Variants in STAB2 observed in about 807,000 individuals in gnomAD.
The protein encoded by STAB2 is stabilin-2.
Under a neutral mutation model 338.1 loss-of-function variants are expected in STAB2, and 288 were observed. That is an observed-to-expected ratio of 0.85 (90% confidence interval 0.77 to 0.94). STAB2 has a LOEUF of 0.94. STAB2 is among the 40% of genes least tolerant of loss of function. The pLI, the probability that STAB2 is intolerant of heterozygous loss-of-function variation, is 0.00. For missense variants in STAB2, 3,141 were observed against 3,210.1 expected (o/e 0.98, Z 0.52); for synonymous variants, 1,202 against 1,193.3 (o/e 1.01, Z -0.15).
Position 103,660,753 on chromosome 12 carries a change from C to T in STAB2, c.1859C>T (p.Thr620Ile). The change falls in exon 17 of 69, where the codon ACC (threonine) becomes ATC (isoleucine). Residue 620 changes from threonine (T) to isoleucine (I), a missense_variant. Physicochemically the swap from Thr to Ile is moderately conservative, Grantham distance 89 (BLOSUM62 -1). Coordinates refer to ENST00000388887, the MANE Select transcript of STAB2 (RefSeq NM_017564.10). ...GCCAACCAGCTCATACAGTTCAACA[C>T]CACCGACAATGTAAGTGAAAACTCA... Reference protein sequence around the residue: ...SMANQLIQFNTTDNGQILAND... With the variant: ...SMANQLIQFNITDNGQILAND... The T allele has an allele frequency of 6.2e-7, 1 of 1,614,090 alleles. No homozygotes were observed. Among genetic ancestry groups the T allele is most frequent in the Non-Finnish European group, 8.5e-7 (1 of 1,179,986 alleles).
At chr12:103,706,681 A>C (rs1879374635) in intron 37 of STAB2, 111 bp from the exon 38 acceptor site, 5 of 1,414,400 alleles carry the variant, frequency 3.5e-6, no homozygotes, top group Non-Finnish European at 4.9e-6. Context: ...ACTCCATGTG[A>C]GGTCGAAGAA....
At position 103,745,213 on chromosome 12, in the gene STAB2, C is replaced by A. The variant is rs1248887491; in HGVS notation, c.6072C>A (p.Ile2024=). 1 of 1,614,028 alleles carries A rather than the reference C, an allele frequency of 6.2e-7. No homozygotes were observed. Among genetic ancestry groups the A allele is most frequent in the Admixed American group, 1.7e-5 (1 of 60,026 alleles). ...ACCACGGACAGTGCGATGATGGCATCACGGGCTCCGGGCAGTGCCTCTGTG... is the reference window on the plus strand; with the variant it reads ...ACCACGGACAGTGCGATGATGGCATAACGGGCTCCGGGCAGTGCCTCTGTG... ...CSDHGQCDDG[I]TGSGQCLCET... The change falls in exon 57 of 69, where the codon ATC becomes ATA. Residue 2024 remains isoleucine, a synonymous_variant. Transcript: ENST00000388887.
chr12:103,747,995 CAAAA>C (rs57369480), intron 58 of STAB2, among the ~76,000 whole-genome samples: 1 of 96,760 alleles, frequency 1.0e-5, no homozygotes, highest in South Asian at 4.6e-4. Flanking sequence ...ACTCTGTCTC[CAAAA>C]AAAAAAAAAA....
intron 48 of STAB2, among the ~76,000 whole-genome samples, chr12:103,729,236 A>G (rs1294417395): frequency 6.6e-6 from 1 of 152,218 alleles, no homozygotes; most frequent in Non-Finnish European, 1.5e-5. Flanking sequence ...ATCATGAAAA[A>G]TAACTAATAG....
At chr12:103,609,615 C>A (rs1457613525) in intron 3 of STAB2, among the ~76,000 whole-genome samples, 1 of 152,162 alleles carries the variant, frequency 6.6e-6, no homozygotes, top group East Asian at 1.9e-4. Flanking sequence ...TCTAGATATA[C>A]AATCATGTCA....
In STAB2 at chr12:103,666,461, G is replaced by C. The variant is rs974628536; in HGVS notation, c.2085+108G>C. 7 of 1,189,652 alleles carry C rather than the reference G, an allele frequency of 5.9e-6. No homozygotes were observed. The African/African-American group carries it at 9.0e-5, about 15-fold the overall frequency. 73.7% of individuals were successfully genotyped at this position (1,189,652 alleles called of 1,614,324 possible). ...TTAGAAGATATTAATTGCAGCTGGG[G>C]TAATATAAGATGGGCTCGTAGCCTA... On this transcript the variant is annotated intron_variant, in intron 19 of 68. Transcript: ENST00000388887.
intron 9 of STAB2, 66 bp from the exon 10 acceptor site, chr12:103,648,624 G>T (rs1239044875): frequency 6.3e-7 from 1 of 1,578,418 alleles, no homozygotes; most frequent in African/African-American, 1.3e-5. Context: ...TGAGGGGATT[G>T]GACTGTATGA....
rs1007692864 is a variant in STAB2 at position 103,690,633 on chromosome 12, T to G, written c.3297+95T>G. ...TTCATGTTATGGGAACTTCCAAACA[T>G]GCGCAAAACTACAGAGAACAGAATC... is the stretch of plus-strand genomic sequence containing the variant. On this transcript the variant is annotated intron_variant, in intron 30 of 68. Coordinates refer to ENST00000388887, the MANE Select transcript of STAB2 (RefSeq NM_017564.10). 1.5e-5 allele frequency: 15 copies of G among 1,027,226 alleles called. No homozygotes were observed. In the African/African-American group the frequency reaches 2.3e-4, roughly 15 times the overall value. 63.6% of individuals were successfully genotyped at this position (1,027,226 alleles called of 1,614,324 possible). A position where few individuals can be genotyped will look rare whatever the true frequency, so the allele number is the denominator to read the frequency against.
chr12:103,674,929 G>A lies in STAB2; in HGVS notation c.2552+842G>A, dbSNP rs557670447. ...TTCCTAAGGAGTTAGGATCTATATCGGTGCATAAGGCAAAACTACATGTAA... is the reference window on the plus strand; with the variant it reads ...TTCCTAAGGAGTTAGGATCTATATCAGTGCATAAGGCAAAACTACATGTAA... On this transcript the variant is annotated intron_variant, in intron 23 of 68. Coordinates refer to ENST00000388887, the MANE Select transcript of STAB2 (RefSeq NM_017564.10). 1.7e-3 allele frequency among the ~76,000 whole-genome samples: 265 copies of A among 152,130 alleles called. 7 individuals are homozygous for A. The highest frequency in any genetic ancestry group is 6.2e-3 in the African/African-American group (258 of 41,480).
intron 3 of STAB2, among the ~76,000 whole-genome samples, chr12:103,594,823 C>T (rs1307887845): frequency 2.0e-5 from 3 of 151,998 alleles, no homozygotes; most frequent in South Asian, 2.1e-4. Flanking sequence ...CTATTAGGAC[C>T]CCCAAATACA....
chr12:103,637,750 A>G (rs1957571903), intron 7 of STAB2, among the ~76,000 whole-genome samples: 1 of 152,234 alleles, frequency 6.6e-6, no homozygotes, highest in Admixed American at 6.5e-5. Context: ...CATATTATAA[A>G]TTCTGTAAGT....
intron 34 of STAB2, among the ~76,000 whole-genome samples, chr12:103,701,892 T>A (rs886321474): frequency 2.1e-4 from 32 of 151,828 alleles, no homozygotes; most frequent in Non-Finnish European, 7.4e-5. Context: ...TAACATGGAT[T>A]TCTGGGATAA....
At chr12:103,654,746 G>A in intron 13 of STAB2, 48 bp downstream of exon 13, 1 of 1,591,154 alleles carries the variant, frequency 6.3e-7, no homozygotes, top group Non-Finnish European at 8.6e-7. Flanking sequence ...ATCTTCCTTT[G>A]TTCCCTGGAG....
At chr12:103,683,674 A>G (rs1440036680) in intron 26 of STAB2, among the ~76,000 whole-genome samples, 1 of 152,190 alleles carries the variant, frequency 6.6e-6, no homozygotes, top group Non-Finnish European at 1.5e-5. Flanking sequence ...GCACCTCTAA[A>G]CCAACAGTTT....
At chr12:103,705,787 T>C (rs763726963) in intron 37 of STAB2, 60 bp downstream of exon 37, 12 of 1,516,880 alleles carry the variant, frequency 7.9e-6, no homozygotes, top group Admixed American at 1.7e-5. Flanking sequence ...ATCCATCATA[T>C]GGTATCCTTT....
intron 45 of STAB2, among the ~76,000 whole-genome samples, chr12:103,725,432 G>C (rs1881106315): frequency 6.6e-6 from 1 of 152,208 alleles, no homozygotes; most frequent in Non-Finnish European, 1.5e-5. Context: ...AGAAAATAAT[G>C]GTGGTACAAA....
intron 41 of STAB2, among the ~76,000 whole-genome samples, chr12:103,713,298 C>T (rs12307100): frequency 0.13 from 19,801 of 152,094 alleles, 2,699 homozygotes; most frequent in African/African-American, 0.35. Context: ...AGCACTGTGT[C>T]CTGGCAGGCT....
intron 3 of STAB2, 87 bp from the exon 4 acceptor site, chr12:103,620,381 G>A: frequency 1.6e-6 from 2 of 1,234,790 alleles, no homozygotes; most frequent in South Asian, 2.8e-5. Flanking sequence ...CTGGCAACTA[G>A]CACACTTAGT....
At chr12:103,637,732 G>T (rs10861064) in intron 7 of STAB2, among the ~76,000 whole-genome samples, 34,297 of 152,004 alleles carry the variant, frequency 0.23, 4,099 homozygotes, top group South Asian at 0.42. Flanking sequence ...TTAGAGCAGG[G>T]CTTAGTACAT....
Sources: allele counts gnomAD v4.1 joint callset (sites outside exome capture counted in the v4.1 genomes callset), GRCh38; gene constraint gnomAD v4.1.1; transcripts MANE v1.5; gene names NCBI Gene and HGNC (gene_info 2026-07-23, HGNC 2026-07-21).